PAPSS2: variants seen among roughly 807,000 people sequenced by gnomAD.
PAPSS2 encodes 3'-phosphoadenosine 5'-phosphosulfate synthase 2.
A neutral mutation model predicts 66.5 loss-of-function variants in PAPSS2; 61 were observed. The ratio of observed to expected loss-of-function variants is 0.92; its 90% CI spans 0.75 to 1.14. PAPSS2 has a LOEUF of 1.14. Among genes scored for constraint, PAPSS2 ranks in the 50% most tolerant of loss-of-function variants. The probability of loss-of-function intolerance (pLI) is 0.00; values close to 1 mark genes in which losing one functional copy is unlikely to be tolerated. For synonymous variants in PAPSS2, 289 were observed against 287.5 expected (o/e 1.01, Z -0.05); for missense variants, 708 against 789.6 (o/e 0.90, Z 1.24).
At chr10:87,694,811 A>G (rs1474421069) in intron 1 of PAPSS2, among the ~76,000 whole-genome samples, 1 of 152,228 alleles carries the variant, frequency 6.6e-6, no homozygotes. Flanking sequence ...AAAAGAGGTG[A>G]TAGAGCTGGA....
chr10:87,660,804 GAAAAAAAAAAAAAAAA>G (rs61018901), intron 1 of PAPSS2, among the ~76,000 whole-genome samples: 1 of 114,154 alleles, frequency 8.8e-6, no homozygotes, highest in Admixed American at 1.0e-4. Context: ...CCAATAAACT[GAAAAAAAAAAAAAAAA>G]AAAAAAAAAA....
intron 1 of PAPSS2, among the ~76,000 whole-genome samples, chr10:87,679,017 G>A (rs1389558373): frequency 6.6e-6 from 1 of 152,122 alleles, no homozygotes. Context: ...GGAAAGACAT[G>A]GAATAAACCC....
At chr10:87,663,174 C>T (rs190874674) in intron 1 of PAPSS2, among the ~76,000 whole-genome samples, 223 of 127,138 alleles carry the variant, frequency 1.8e-3, no homozygotes, top group African/African-American at 6.5e-3. Context: ...TGCAGAGAAG[C>T]GATCTCGTCT....
intron 1 of PAPSS2, among the ~76,000 whole-genome samples, chr10:87,696,199 T>C (rs1853232705): frequency 1.3e-5 from 2 of 152,206 alleles, no homozygotes; most frequent in Admixed American, 1.3e-4. Context: ...AAATATTTGC[T>C]CTTTTACCCT....
chr10:87,677,239 T>G (rs1057162946), intron 1 of PAPSS2, among the ~76,000 whole-genome samples: 3 of 152,140 alleles, frequency 2.0e-5, no homozygotes, highest in African/African-American at 7.2e-5. Context: ...TGCAGATATC[T>G]AAGCTTTAAA....
intron 9 of PAPSS2, among the ~76,000 whole-genome samples, chr10:87,728,968 T>A (rs184855389): frequency 1.6e-3 from 249 of 152,202 alleles, no homozygotes; most frequent in East Asian, 3.7e-3. Context: ...TTTTATTTTT[T>A]AAAAATTTTT....
chr10:87,709,320 C>T lies in PAPSS2; in HGVS notation c.145+7C>T. ...TGTACCGTGTGGCTAACAGGTATGT[C>T]ATGTTCATATATATATATATATATA... On this transcript the variant is annotated splice_region_variant and intron_variant, in intron 2 of 12. Coordinates refer to ENST00000456849, the MANE Select transcript of PAPSS2 (RefSeq NM_001015880.2). 6.9e-7 allele frequency: 1 copy of T among 1,450,882 alleles called. No homozygotes were observed. The highest frequency in any genetic ancestry group is 9.5e-7 in the Non-Finnish European group (1 of 1,055,022). 89.9% of individuals were successfully genotyped at this position (1,450,882 alleles called of 1,614,324 possible).
At chr10:87,691,015 G>A (rs1343019514) in intron 1 of PAPSS2, among the ~76,000 whole-genome samples, 1 of 152,042 alleles carries the variant, frequency 6.6e-6, no homozygotes, top group African/African-American at 2.4e-5. Flanking sequence ...GTGGGGTGAG[G>A]GGCAAGAGTT....
At chr10:87,661,142 A>T (rs1229585535) in intron 1 of PAPSS2, 3 of 49,924 alleles carry the variant, frequency 6.0e-5, no homozygotes, top group African/African-American at 6.0e-4. Context: ...GGAGAGGTTT[A>T]AAAAAAAAAA....
intron 12 of PAPSS2, 21 bp downstream of exon 12, chr10:87,745,252 T>A (rs1244894721): frequency 6.4e-7 from 1 of 1,567,340 alleles, no homozygotes; most frequent in African/African-American, 1.4e-5. Flanking sequence ...AGAGGAAAAT[T>A]CTTTTATCAA....
chr10:87,684,360 C>A (rs1296496171), intron 1 of PAPSS2, among the ~76,000 whole-genome samples: 1 of 152,222 alleles, frequency 6.6e-6, no homozygotes, highest in Non-Finnish European at 1.5e-5. Flanking sequence ...TATTCTTTCA[C>A]AGTTGCAAAG....
At chr10:87,695,989 T>G (rs1853229899) in intron 1 of PAPSS2, among the ~76,000 whole-genome samples, 2 of 152,136 alleles carry the variant, frequency 1.3e-5, no homozygotes, top group African/African-American at 4.8e-5. Context: ...CCACCTGCTA[T>G]CTCCATCCAA....
chr10:87,731,985 A>G (rs1226384937), intron 9 of PAPSS2, among the ~76,000 whole-genome samples: 1 of 152,246 alleles, frequency 6.6e-6, no homozygotes, highest in Non-Finnish European at 1.5e-5. Context: ...TTTTGAAGGA[A>G]GTTCTACCAT....
intron 1 of PAPSS2, among the ~76,000 whole-genome samples, chr10:87,693,563 T>G (rs1276812277): frequency 6.6e-6 from 1 of 152,210 alleles, no homozygotes. Flanking sequence ...AATAACCTAC[T>G]TGAGAATGTG....
chr10:87,716,357 AC>A (rs1564722279), intron 7 of PAPSS2, among the ~76,000 whole-genome samples: 1 of 152,186 alleles, frequency 6.6e-6, no homozygotes, highest in African/African-American at 2.4e-5. Flanking sequence ...CTACACTCTA[AC>A]AAAAGAGCAT....
At chr10:87,706,192 TTGTC>T (rs1853388057) in intron 1 of PAPSS2, among the ~76,000 whole-genome samples, 1 of 147,480 alleles carries the variant, frequency 6.8e-6, no homozygotes, top group African/African-American at 2.5e-5. Context: ...CCTCATCTTT[TTGTC>T]TGTCTTTCTC....
At chr10:87,675,056 T>A (rs1209004328) in intron 1 of PAPSS2, among the ~76,000 whole-genome samples, 2 of 152,218 alleles carry the variant, frequency 1.3e-5, no homozygotes, top group Non-Finnish European at 2.9e-5. Context: ...TAAGATCTTA[T>A]GCCCTGTTGG....
At chr10:87,709,161 A>C in intron 1 of PAPSS2, 35 bp from the exon 2 acceptor site, 1 of 1,386,900 alleles carries the variant, frequency 7.2e-7, no homozygotes, top group Non-Finnish European at 1.0e-6. Context: ...TGTTTTATTA[A>C]TTAATACTGT....
At chr10:87,728,512 A>C (rs1400465482) in intron 9 of PAPSS2, among the ~76,000 whole-genome samples, 1 of 152,148 alleles carries the variant, frequency 6.6e-6, no homozygotes, top group Non-Finnish European at 1.5e-5. Context: ...GGCCGAGGCC[A>C]GCAGATCACC....
Sources: allele counts gnomAD v4.1 joint callset (sites outside exome capture counted in the v4.1 genomes callset), GRCh38; gene constraint gnomAD v4.1.1; transcripts MANE v1.5; gene names NCBI Gene and HGNC (gene_info 2026-07-23, HGNC 2026-07-21).